GAS2L3: variants seen among roughly 807,000 people sequenced by gnomAD.
GAS2L3 encodes the protein GAS2-like protein 3.
Under a neutral mutation model 37.0 loss-of-function variants are expected in GAS2L3, and 28 were observed. That is an observed-to-expected ratio of 0.76 (90% CI 0.56 to 1.04). The LOEUF is 1.04. Among genes scored for constraint, GAS2L3 ranks in the 50% least tolerant of loss-of-function variants. The pLI is 0.00. For missense variants in GAS2L3, 793 were observed against 817.6 expected, an observed-to-expected ratio of 0.97 and a Z score of 0.37; for synonymous variants, 290 against 296.6, an observed-to-expected ratio of 0.98 and a Z score of 0.23.
chr12:100,616,640 G>C (rs1267635903), intron 6 of GAS2L3, among the ~76,000 whole-genome samples: 2 of 151,850 alleles, frequency 1.3e-5, no homozygotes, highest in Non-Finnish European at 2.9e-5. Context: ...GTAGAAACAG[G>C]GTCTCACTTT....
chr12:100,605,583 T>C (rs891319927), intron 5 of GAS2L3, among the ~76,000 whole-genome samples: 2 of 151,926 alleles, frequency 1.3e-5, no homozygotes, highest in Non-Finnish European at 2.9e-5. Context: ...CATTGTTAGG[T>C]TATTTATTTT....
At chr12:100,602,337 C>T (rs1956001373) in intron 5 of GAS2L3, among the ~76,000 whole-genome samples, 1 of 151,696 alleles carries the variant, frequency 6.6e-6, no homozygotes, top group African/African-American at 2.4e-5. Flanking sequence ...ATAAGGTTTC[C>T]TGTCTTTTCA....
intron 5 of GAS2L3, among the ~76,000 whole-genome samples, chr12:100,606,320 T>A (rs1367195270): frequency 6.6e-6 from 1 of 152,148 alleles, no homozygotes; most frequent in Non-Finnish European, 1.5e-5. Flanking sequence ...ACTGTTCTTT[T>A]TCAGTTTCCC....
rs1156347098 is a variant in GAS2L3, at chr12:100,623,611, CT to C, written c.807del (p.Leu270PhefsTer19). On this transcript the variant is annotated frameshift_variant, in exon 10 of 10. Transcript: ENST00000547754. LOFTEE classifies it low-confidence loss of function (END_TRUNC). ...GTTCGCGTTGGTGGAGGCTGGGATA[CT>C]CTTCAAGGATTTTTGCTTAAATATG... is the stretch of plus-strand genomic sequence containing the variant. Reference protein sequence around the residue: ...VMVRVGGGWDTLQGFLLKYDP... With the variant: ...VMVRVGGGWDXLQGFLLKYDP... 1 of 1,612,484 alleles carries C rather than the reference CT, an allele frequency of 6.2e-7. No individual in the cohort carries two copies. The highest frequency in any genetic ancestry group is 8.5e-7 in the Non-Finnish European group (1 of 1,179,302).
intron 5 of GAS2L3, among the ~76,000 whole-genome samples, chr12:100,609,813 T>C (rs929634638): frequency 1.3e-5 from 2 of 152,186 alleles, no homozygotes; most frequent in Non-Finnish European, 2.9e-5. Context: ...TGGTTCTGCC[T>C]TCTGCTGAAC....
Position 100,594,927 on chromosome 12 carries a change from GT to G in GAS2L3, c.18+12del. 8 of 1,331,506 alleles carry G rather than the reference GT, an allele frequency of 6.0e-6. No individual in the cohort carries two copies. The highest frequency in any genetic ancestry group is 3.0e-5 in the South Asian group (2 of 67,044). 82.5% of individuals were successfully genotyped at this position (1,331,506 alleles called of 1,614,324 possible). A position where few individuals can be genotyped will look rare whatever the true frequency, so the allele number is the denominator to read the frequency against. On this transcript the variant is annotated splice_donor_region_variant and intron_variant, in intron 3 of 9. Transcript: ENST00000547754. ...ACTATGCAGCCTGCAATTCAAGTAAGTTTTTTTCTTGGAAACAATATTTAAA... is the reference window on the plus strand; with the variant it reads ...ACTATGCAGCCTGCAATTCAAGTAAGTTTTTTCTTGGAAACAATATTTAAA...
Position 100,578,942 on chromosome 12 carries a change from G to GTTAT in GAS2L3, c.-152+5158_-152+5161dup, listed in dbSNP as rs929589073. The stretch of plus-strand genomic sequence containing the variant: ...GTGCCTGATTGGAAGAGGGGATAAG[G>GTTAT]TTATAATTGTCATCCATGCTTATGG... On this transcript the variant is annotated intron_variant, in intron 1 of 9. Coordinates refer to ENST00000547754, the MANE Select transcript of GAS2L3 (RefSeq NM_174942.3). The GTTAT allele has an allele frequency of 4.2e-5, 39 of 921,210 alleles. No homozygotes were observed. In the African/African-American group the frequency reaches 5.5e-4, roughly 13 times the overall value. The allele number at this position is 921,210 out of a possible 1,614,324, so 57.1% of individuals were successfully genotyped here. A position where few individuals can be genotyped will look rare whatever the true frequency, so the allele number is the denominator to read the frequency against.
chr12:100,574,988 T>G (rs1955617337), intron 1 of GAS2L3, among the ~76,000 whole-genome samples: 1 of 152,154 alleles, frequency 6.6e-6, no homozygotes, highest in Non-Finnish European at 1.5e-5. Context: ...TAATTTTTTT[T>G]TTTTTAGCGT....
chr12:100,611,900 T>C, intron 5 of GAS2L3, 100 bp from the exon 6 acceptor site: 1 of 783,084 alleles, frequency 1.3e-6, no homozygotes, highest in Non-Finnish European at 2.1e-6. Flanking sequence ...ACTTTTTGGT[T>C]ACAGGTGATG....
chr12:100,606,826 ACTGT>A (rs1315389899), intron 5 of GAS2L3, among the ~76,000 whole-genome samples: 2 of 152,006 alleles, frequency 1.3e-5, no homozygotes, highest in African/African-American at 2.4e-5. Context: ...GTCTTATTAT[ACTGT>A]CTATGTCTTG....
chr12:100,590,264 A>G (rs1024887333), intron 1 of GAS2L3, among the ~76,000 whole-genome samples: 5 of 152,222 alleles, frequency 3.3e-5, no homozygotes, highest in Non-Finnish European at 7.4e-5. Context: ...AAGGACATGA[A>G]TAGACAGTTC....
At chr12:100,608,583 A>G (rs2162677) in intron 5 of GAS2L3, among the ~76,000 whole-genome samples, 85,236 of 151,804 alleles carry the variant, frequency 0.56, 25,007 homozygotes, top group East Asian at 0.72. Flanking sequence ...GTGCAGTGGC[A>G]CAATCTCAGC....
chr12:100,585,334 C>A (rs1177314523), intron 1 of GAS2L3, among the ~76,000 whole-genome samples: 4 of 151,878 alleles, frequency 2.6e-5, no homozygotes, highest in Non-Finnish European at 4.4e-5. Flanking sequence ...TGGCTCACTG[C>A]AACCTGTGCC....
intron 5 of GAS2L3, among the ~76,000 whole-genome samples, chr12:100,610,566 A>G (rs1337213456): frequency 1.3e-5 from 2 of 152,078 alleles, no homozygotes; most frequent in Non-Finnish European, 2.9e-5. Flanking sequence ...ATGAGGAAAA[A>G]AAAACTCCTA....
intron 8 of GAS2L3, among the ~76,000 whole-genome samples, chr12:100,621,040 G>A (rs1168417299): frequency 6.6e-6 from 1 of 152,076 alleles, no homozygotes; most frequent in East Asian, 1.9e-4. Flanking sequence ...AGGAAAATAA[G>A]TTCTGGACCT....
At chr12:100,610,609 A>G (rs1255554304) in intron 5 of GAS2L3, among the ~76,000 whole-genome samples, 2 of 152,146 alleles carry the variant, frequency 1.3e-5, no homozygotes, top group Admixed American at 6.5e-5. Flanking sequence ...AAATAGTAAC[A>G]GGAAGGATAT....
intron 2 of GAS2L3, among the ~76,000 whole-genome samples, chr12:100,593,438 T>C (rs1955871385): frequency 6.6e-6 from 1 of 152,168 alleles, no homozygotes; most frequent in South Asian, 2.1e-4. Flanking sequence ...GTGCATAAAT[T>C]CTTTATTTCT....
intron 3 of GAS2L3, among the ~76,000 whole-genome samples, chr12:100,596,738 T>G (rs1246932485): frequency 2.0e-5 from 3 of 152,130 alleles, no homozygotes; most frequent in African/African-American, 7.2e-5. Context: ...TAAAAGCCAA[T>G]GGACAATAGT....
chr12:100,608,440 T>C (rs755477462), intron 5 of GAS2L3, among the ~76,000 whole-genome samples: 3 of 152,174 alleles, frequency 2.0e-5, no homozygotes, highest in Non-Finnish European at 4.4e-5. Context: ...AGGTGGCACA[T>C]CTAGCCAGGT....
Sources: allele counts gnomAD v4.1 joint callset (sites outside exome capture counted in the v4.1 genomes callset), GRCh38; gene constraint gnomAD v4.1.1; transcripts MANE v1.5; gene names NCBI Gene and HGNC (gene_info 2026-07-23, HGNC 2026-07-21).